CALN1: variants seen among roughly 807,000 people sequenced by gnomAD.
CALN1 encodes calcium-binding protein 8.
Under a neutral mutation model 30.6 loss-of-function variants are expected in CALN1, and 17 were observed. The ratio of observed to expected loss-of-function variants is 0.56; its 90% confidence interval spans 0.38 to 0.83. The LOEUF is 0.83. Among genes scored for constraint, CALN1 ranks in the 40% least tolerant of loss-of-function variants. The pLI is 0.00. For synonymous variants in CALN1, 156 were observed against 131.4 expected, an observed-to-expected ratio of 1.19 and a Z score of -1.28; for missense variants, 291 against 354.9, an observed-to-expected ratio of 0.82 and a Z score of 1.45.
chr7:71,900,493 G>A (rs1445343693), intron 5 of CALN1, among the ~76,000 whole-genome samples: 1 of 152,204 alleles, frequency 6.6e-6, no homozygotes, highest in Non-Finnish European at 1.5e-5. Context: ...AGAAGAATTA[G>A]TAGCAGTTCT....
Position 72,131,909 on chromosome 7 carries a change from G to A in CALN1, c.245-25615C>T, listed in dbSNP as rs564264853. ...AGGAGTCTTTCCACTCCTGTGGCCAGACACAATTCTTTCCCCATCCCACAT... is the reference window on the plus strand; with the variant it reads ...AGGAGTCTTTCCACTCCTGTGGCCAAACACAATTCTTTCCCCATCCCACAT... On this transcript the variant is annotated intron_variant, in intron 3 of 6. Transcript: ENST00000395275. Among the ~76,000 whole-genome samples the A allele has an allele frequency of 5.3e-5, 8 of 152,214 alleles. No homozygotes were observed. The East Asian group carries it at 1.5e-3, about 29-fold the overall frequency.
intron 3 of CALN1, among the ~76,000 whole-genome samples, chr7:72,166,473 G>A (rs1391469840): frequency 6.6e-6 from 1 of 152,204 alleles, no homozygotes; most frequent in Non-Finnish European, 1.5e-5. Context: ...TCACAGGCAT[G>A]AGCCAACACA....
At chr7:72,278,560 A>G (rs375094840) in intron 3 of CALN1, 126 bp downstream of exon 3, 12 of 1,298,734 alleles carry the variant, frequency 9.2e-6, no homozygotes, top group East Asian at 2.4e-5. Flanking sequence ...CCATTATGCC[A>G]TGGCTACACT....
At chr7:72,147,946 T>TGGG (rs1786890344) in intron 3 of CALN1, among the ~76,000 whole-genome samples, 1 of 47,268 alleles carries the variant, frequency 2.1e-5, no homozygotes, top group Non-Finnish European at 3.9e-5. Context: ...CAGGGCCTGT[T>TGGG]GTGGGGGGAG....
chr7:72,238,602 A>C (rs1339980350), intron 3 of CALN1, among the ~76,000 whole-genome samples: 1 of 106,764 alleles, frequency 9.4e-6, no homozygotes, highest in Non-Finnish European at 2.1e-5. Flanking sequence ...GAGGTAATTG[A>C]ATCACAGGGA....
At chr7:72,430,593 A>T (rs990090500) in intron 1 of CALN1, among the ~76,000 whole-genome samples, 5 of 152,156 alleles carry the variant, frequency 3.3e-5, no homozygotes, top group Non-Finnish European at 1.5e-5. Context: ...GGGGCTTCTC[A>T]GCCTGCTCAC....
chr7:72,019,596 C>G (rs540358464), intron 5 of CALN1, among the ~76,000 whole-genome samples: 2 of 152,290 alleles, frequency 1.3e-5, no homozygotes, highest in African/African-American at 4.8e-5. Context: ...AAGGTCTGTG[C>G]AGTAGGGACC....
intron 4 of CALN1, among the ~76,000 whole-genome samples, chr7:72,070,505 T>G (rs966560688): frequency 1.3e-5 from 2 of 152,210 alleles, no homozygotes; most frequent in Non-Finnish European, 2.9e-5. Context: ...CCACCTGCTC[T>G]TCATAATTAT....
chr7:72,040,102 C>T (rs1053948766), intron 4 of CALN1, among the ~76,000 whole-genome samples: 1 of 152,154 alleles, frequency 6.6e-6, no homozygotes, highest in African/African-American at 2.4e-5. Flanking sequence ...CCCTTCCCCA[C>T]CCTGAGAAGG....
At chr7:71,978,785 C>T (rs908826681) in intron 5 of CALN1, among the ~76,000 whole-genome samples, 2 of 152,218 alleles carry the variant, frequency 1.3e-5, no homozygotes, top group African/African-American at 4.8e-5. Context: ...TCTCTGGTGA[C>T]TATTATGCTT....
At chr7:71,984,513 G>A (rs888522039) in intron 5 of CALN1, among the ~76,000 whole-genome samples, 11 of 152,120 alleles carry the variant, frequency 7.2e-5, no homozygotes, top group African/African-American at 2.7e-4. Flanking sequence ...TTGCCCCCAC[G>A]CACTGGAGAG....
At chr7:72,274,917 G>T (rs750322476) in intron 3 of CALN1, among the ~76,000 whole-genome samples, 3 of 152,100 alleles carry the variant, frequency 2.0e-5, no homozygotes, top group Non-Finnish European at 4.4e-5. Flanking sequence ...GTAAAGAGAA[G>T]AAATAGGGAC....
chr7:71,954,460 G>C (rs71551240), intron 5 of CALN1, among the ~76,000 whole-genome samples: 3 of 151,420 alleles, frequency 2.0e-5, no homozygotes, highest in Admixed American at 6.6e-5. Flanking sequence ...ACTCCATCTC[G>C]AAAACTTAAA....
intron 2 of CALN1, among the ~76,000 whole-genome samples, chr7:72,315,766 A>T (rs1290009388): frequency 2.0e-5 from 3 of 152,200 alleles, no homozygotes; most frequent in Non-Finnish European, 4.4e-5. Context: ...GATGGATAGA[A>T]ATAAAGCCTC....
chr7:72,468,277 T>A, the CALN1 span, among the ~76,000 whole-genome samples: 3 of 152,212 alleles, frequency 2.0e-5, no homozygotes, highest in African/African-American at 7.2e-5. Flanking sequence ...GGGGAATTGC[T>A]AGATCATATG....
chr7:71,881,326 G>A lies in CALN1; in HGVS notation c.502-70834C>T, dbSNP rs116174250. On this transcript the variant is annotated intron_variant, in intron 5 of 6. Transcript: ENST00000395275. ...GGGACTTCACCTTGTGATTGTCTGG[G>A]TCAATTCTCCTTAATAAGCTCCCCT... Among the ~76,000 whole-genome samples the A allele has an allele frequency of 8.6e-3, 1,316 of 152,196 alleles. 14 individuals are homozygous for A. The highest frequency in any genetic ancestry group is 0.029 in the African/African-American group (1,223 of 41,542).
rs147130670 is a variant in CALN1, at chr7:72,396,935, G to A, written c.119+6316C>T. ...AAGTAGTAGTAGAACTAGTAAGACA[G>A]GGTCTGTCTGTGTTGCCCAGGCTGG... On this transcript the variant is annotated intron_variant, in intron 2 of 6. Transcript: ENST00000395275. 1.4e-3 allele frequency among the ~76,000 whole-genome samples: 213 copies of A among 152,272 alleles called. 1 individual carries two copies. The highest frequency in any genetic ancestry group is 4.9e-3 in the African/African-American group (203 of 41,568).
chr7:72,021,431 T>C (rs1800702349), intron 5 of CALN1, among the ~76,000 whole-genome samples: 1 of 152,106 alleles, frequency 6.6e-6, no homozygotes, highest in South Asian at 2.1e-4. Context: ...GGAAACAATA[T>C]TCCTTCATCT....
At chr7:72,050,748 C>T (rs1044395012) in intron 4 of CALN1, among the ~76,000 whole-genome samples, 5 of 152,036 alleles carry the variant, frequency 3.3e-5, no homozygotes, top group Non-Finnish European at 5.9e-5. Context: ...CGCCTGTAAT[C>T]CCAGCACTTT....
Sources: gnomAD v4.1 joint callset for allele counts (sites outside exome capture counted in the v4.1 genomes callset) on GRCh38, gnomAD v4.1.1 for gene constraint, MANE v1.5 for transcripts, NCBI Gene and HGNC (gene_info 2026-07-23, HGNC 2026-07-21) for gene names.